Variants in TOX3 observed in about 807,000 individuals in gnomAD.
TOX3 encodes TOX high mobility group box family member 3.
A neutral mutation model predicts 64.3 loss-of-function variants in TOX3; 22 were observed. That is an observed-to-expected ratio of 0.34 (90% CI 0.24 to 0.49). The LOEUF (loss-of-function observed/expected upper bound fraction) is 0.49, where lower values mean the gene tolerates loss of function less well. TOX3 is among the 20% of genes least tolerant of loss of function. The pLI is 0.99. For synonymous variants in TOX3, 291 were observed against 273.6 expected (o/e 1.06, Z -0.63); for missense variants, 661 against 714.4 (o/e 0.93, Z 0.85).
chr16:52,504,928 G>A (rs1217897263), intron 1 of TOX3, among the ~76,000 whole-genome samples: 5 of 152,156 alleles, frequency 3.3e-5, no homozygotes, highest in Admixed American at 2.6e-4. Context: ...TCTGCCTCCC[G>A]GGTTCAAGCG....
rs1300030812 is a variant in TOX3, at chr16:52,501,711, T to C, written c.88-33137A>G. Among the ~76,000 whole-genome samples, 5 of 151,692 alleles carry C rather than the reference T, an allele frequency of 3.3e-5. No individual in the cohort carries two copies. The East Asian group carries it at 9.7e-4, about 29-fold the overall frequency. The stretch of plus-strand genomic sequence containing the variant: ...AAAAAAACAGAGAGAGAATTACTAA[T>C]ATTTTCTTCTCCAACCTTAATGCTC... On this transcript the variant is annotated intron_variant, in intron 1 of 6. Coordinates refer to ENST00000219746, the MANE Select transcript of TOX3 (RefSeq NM_001080430.4).
chr16:52,519,108 G>A (rs562008243), intron 1 of TOX3, among the ~76,000 whole-genome samples: 4 of 152,308 alleles, frequency 2.6e-5, no homozygotes, highest in East Asian at 1.9e-4. Context: ...GGTATCATGC[G>A]AGGCATGTAG....
chr16:52,533,420 C>T (rs1384526573), intron 1 of TOX3, among the ~76,000 whole-genome samples: 3 of 152,158 alleles, frequency 2.0e-5, no homozygotes, highest in Non-Finnish European at 4.4e-5. Flanking sequence ...AATTCCCTTT[C>T]AATCCCCCAG....
chr16:52,544,895 G>A (rs115437683), intron 1 of TOX3, among the ~76,000 whole-genome samples: 101 of 152,260 alleles, frequency 6.6e-4, no homozygotes, highest in African/African-American at 2.4e-3. Flanking sequence ...GGTGTCATTC[G>A]AGTGTTGCAG....
intron 1 of TOX3, among the ~76,000 whole-genome samples, chr16:52,530,969 T>G (rs1246160255): frequency 1.3e-5 from 2 of 152,200 alleles, no homozygotes; most frequent in African/African-American, 2.4e-5. Flanking sequence ...GTTTAAACTA[T>G]GAAGAAAGGC....
intron 6 of TOX3, among the ~76,000 whole-genome samples, chr16:52,441,449 G>A (rs1350459393): frequency 6.6e-6 from 1 of 152,260 alleles, no homozygotes; most frequent in East Asian, 1.9e-4. Flanking sequence ...AGCAGATCTA[G>A]GGCTGAACAT....
At chr16:52,514,766 C>A (rs987916121) in intron 1 of TOX3, among the ~76,000 whole-genome samples, 23 of 152,118 alleles carry the variant, frequency 1.5e-4, no homozygotes, top group Non-Finnish European at 2.6e-4. Flanking sequence ...AATCCCAGCA[C>A]TTTGGGAGGC....
Position 52,507,336 on chromosome 16 carries a change from T to C in TOX3, c.88-38762A>G, listed in dbSNP as rs565299642. ...ACCATTTTGGTAGGCCAAGGCAGAA[T>C]TGCTTGAGGTCAGAAGTCCAAGACA... On this transcript the variant is annotated intron_variant, in intron 1 of 6. Coordinates refer to ENST00000219746, the MANE Select transcript of TOX3 (RefSeq NM_001080430.4). 3.9e-5 allele frequency among the ~76,000 whole-genome samples: 6 copies of C among 152,298 alleles called. No homozygotes were observed. The East Asian group carries it at 1.2e-3, about 29-fold the overall frequency.
intron 1 of TOX3, among the ~76,000 whole-genome samples, chr16:52,492,885 G>C (rs1205419069): frequency 7.1e-6 from 1 of 140,402 alleles, no homozygotes; most frequent in Non-Finnish European, 1.5e-5. Context: ...AGGTAGATCA[G>C]AAAACCCAAC....
chr16:52,511,530 C>T (rs1391974520), intron 1 of TOX3, among the ~76,000 whole-genome samples: 2 of 152,148 alleles, frequency 1.3e-5, no homozygotes, highest in African/African-American at 4.8e-5. Context: ...ACTGAAAACA[C>T]ATTTGTATCA....
At chr16:52,482,454 A>C (rs1420976711) in intron 1 of TOX3, among the ~76,000 whole-genome samples, 1 of 152,200 alleles carries the variant, frequency 6.6e-6, no homozygotes, top group Non-Finnish European at 1.5e-5. Context: ...GTATTTAGGC[A>C]AATTATATCA....
intron 1 of TOX3, among the ~76,000 whole-genome samples, chr16:52,491,346 T>G (rs1567332885): frequency 6.6e-6 from 1 of 152,162 alleles, no homozygotes; most frequent in Non-Finnish European, 1.5e-5. Flanking sequence ...TTGGTTTCTT[T>G]GTCTTTCTTC....
intron 3 of TOX3, among the ~76,000 whole-genome samples, chr16:52,462,684 C>G (rs1277220008): frequency 1.3e-5 from 2 of 151,902 alleles, no homozygotes; most frequent in Non-Finnish European, 2.9e-5. Context: ...ACATTGCAAG[C>G]CTGGCTGTAG....
chr16:52,448,569 G>A lies in TOX3; in HGVS notation c.678+1708C>T, dbSNP rs564288892. Among the ~76,000 whole-genome samples the A allele has an allele frequency of 7.2e-5, 11 of 152,272 alleles. 1 individual carries two copies. Among genetic ancestry groups the A allele is most frequent in the African/African-American group, 2.6e-4 (11 of 41,568 alleles). ...TTTACCATTCCTGGGCCCAATGGGG[G>A]TGCTAACATGATGTTATAGAATAAA... On this transcript the variant is annotated intron_variant, in intron 4 of 6. Coordinates refer to ENST00000219746, the MANE Select transcript of TOX3 (RefSeq NM_001080430.4).
chr16:52,447,382 T>G (rs1285219439), intron 4 of TOX3, among the ~76,000 whole-genome samples: 1 of 152,206 alleles, frequency 6.6e-6, no homozygotes, highest in Non-Finnish European at 1.5e-5. Flanking sequence ...TATTATTTAC[T>G]TTCTAAATGA....
intron 1 of TOX3, among the ~76,000 whole-genome samples, chr16:52,538,500 A>G (rs894633649): frequency 6.6e-6 from 1 of 152,192 alleles, no homozygotes; most frequent in Admixed American, 6.5e-5. Context: ...TCTTATCACC[A>G]TCTTTGACAT....
chr16:52,509,727 A>G (rs192252168), intron 1 of TOX3, among the ~76,000 whole-genome samples: 2 of 152,226 alleles, frequency 1.3e-5, no homozygotes, highest in Admixed American at 6.5e-5. Flanking sequence ...TGCACACACA[A>G]ACAGGCATAA....
At chr16:52,443,774 T>C (rs1394013490) in intron 6 of TOX3, among the ~76,000 whole-genome samples, 1 of 152,212 alleles carries the variant, frequency 6.6e-6, no homozygotes. Flanking sequence ...ATATAATACA[T>C]GTAGGTTTTG....
chr16:52,446,259 C>T, intron 4 of TOX3, 38 bp from the exon 5 acceptor site: 7 of 1,590,696 alleles, frequency 4.4e-6, no homozygotes, highest in Non-Finnish European at 6.0e-6. Context: ...CTAGAATGTA[C>T]TTGCAGAGAA....
Sources: allele counts gnomAD v4.1 joint callset (sites outside exome capture counted in the v4.1 genomes callset), GRCh38; gene constraint gnomAD v4.1.1; transcripts MANE v1.5; gene names NCBI Gene and HGNC (gene_info 2026-07-23, HGNC 2026-07-21).